PDE1A: variants seen among roughly 807,000 people sequenced by gnomAD.
PDE1A encodes the protein dual specificity calcium/calmodulin-dependent 3',5'-cyclic nucleotide phosphodiesterase 1A.
Under a neutral mutation model 61.7 loss-of-function variants are expected in PDE1A, and 35 were observed. The ratio of observed to expected loss-of-function variants is 0.57; its 90% confidence interval spans 0.43 to 0.75. The LOEUF is 0.75. Ranked by LOEUF, PDE1A falls within the 30% of genes least tolerant of loss-of-function variation. The pLI is 0.00. For synonymous variants in PDE1A, 232 were observed against 213.2 expected (o/e 1.09, Z -0.77); for missense variants, 597 against 630.6 (o/e 0.95, Z 0.57).
chr2:182,459,086 T>C (rs1157610374), intron 2 of PDE1A, among the ~76,000 whole-genome samples: 1 of 151,986 alleles, frequency 6.6e-6, no homozygotes, highest in East Asian at 2.0e-4. Context: ...ATACATTTGG[T>C]TTATCACAAT....
intron 2 of PDE1A, among the ~76,000 whole-genome samples, chr2:182,500,816 TTCTA>T (rs1427530317): frequency 6.6e-6 from 1 of 152,160 alleles, no homozygotes; most frequent in Admixed American, 6.5e-5. Context: ...ACCCAGCAAA[TTCTA>T]TATATAATGA....
chr2:182,557,671 C>G, the PDE1A span, among the ~76,000 whole-genome samples: 1 of 152,014 alleles, frequency 6.6e-6, no homozygotes. Context: ...AAAATCGTGC[C>G]ACTGCACTCT....
chr2:182,510,709 C>T (rs1689725537), intron 2 of PDE1A, among the ~76,000 whole-genome samples: 1 of 152,054 alleles, frequency 6.6e-6, no homozygotes, highest in African/African-American at 2.4e-5. Flanking sequence ...ATTATAGAGA[C>T]CTAAAATCCA....
chr2:182,420,311 A>G (rs1574614883), intron 1 of PDE1A, among the ~76,000 whole-genome samples: 1 of 152,188 alleles, frequency 6.6e-6, no homozygotes, highest in East Asian at 1.9e-4. Flanking sequence ...AGATCATCAC[A>G]TATCCCTATT....
At chr2:182,684,453 G>T in the PDE1A span, among the ~76,000 whole-genome samples, 14 of 152,182 alleles carry the variant, frequency 9.2e-5, no homozygotes, top group African/African-American at 3.4e-4. Flanking sequence ...CTTTGAAGTA[G>T]AGACTACAAA....
chr2:182,638,784 G>C, the PDE1A span, among the ~76,000 whole-genome samples: 1 of 152,322 alleles, frequency 6.6e-6, no homozygotes, highest in Admixed American at 6.5e-5. Context: ...TAGCGCTTCT[G>C]GTAGGCTAGG....
intron 1 of PDE1A, among the ~76,000 whole-genome samples, chr2:182,276,912 C>T (rs188175228): frequency 2.6e-5 from 4 of 151,926 alleles, no homozygotes; most frequent in African/African-American, 9.7e-5. Flanking sequence ...CTGCAGTACC[C>T]TCGGGCTTAT....
At chr2:182,245,042 C>G (rs759086028) in intron 2 of PDE1A, among the ~76,000 whole-genome samples, 8 of 152,158 alleles carry the variant, frequency 5.3e-5, no homozygotes, top group Non-Finnish European at 1.2e-4. Flanking sequence ...ATGGGGGAAG[C>G]CTCCAAAGCC....
At chr2:182,572,523 C>T in the PDE1A span, among the ~76,000 whole-genome samples, 1 of 152,076 alleles carries the variant, frequency 6.6e-6, no homozygotes, top group African/African-American at 2.4e-5. Flanking sequence ...CCTGGACTTG[C>T]TAGGAAATTT....
intron 10 of PDE1A, among the ~76,000 whole-genome samples, chr2:182,195,822 C>CT (rs1049906997): frequency 2.6e-5 from 4 of 152,124 alleles, no homozygotes; most frequent in Admixed American, 6.5e-5. Context: ...TTACAGATGG[C>CT]TATGTGAGGA....
the PDE1A span, among the ~76,000 whole-genome samples, chr2:182,595,564 C>T: frequency 3.9e-5 from 6 of 152,178 alleles, no homozygotes; most frequent in Non-Finnish European, 8.8e-5. Flanking sequence ...CCTACTCAAT[C>T]GTTTTCAACT....
At chr2:182,627,316 T>C in the PDE1A span, among the ~76,000 whole-genome samples, 4 of 60,298 alleles carry the variant, frequency 6.6e-5, no homozygotes, top group African/African-American at 2.0e-4. Context: ...ATAAAATATA[T>C]ATATTATATA....
chr2:182,141,879 C>T (rs1009837723), exon 15 of PDE1A: 1 of 152,142 alleles, frequency 6.6e-6, no homozygotes, highest in Non-Finnish European at 1.5e-5. Flanking sequence ...CATTGCAATG[C>T]TTGTACAGTG....
intron 2 of PDE1A, among the ~76,000 whole-genome samples, chr2:182,475,164 C>T (rs546967055): frequency 4.6e-5 from 7 of 152,036 alleles, no homozygotes; most frequent in Admixed American, 3.9e-4. Flanking sequence ...GAGCCTTCCA[C>T]TACTTCAACA....
chr2:182,642,274 A>T, the PDE1A span, among the ~76,000 whole-genome samples: 25 of 152,248 alleles, frequency 1.6e-4, no homozygotes, highest in Admixed American at 1.5e-3. Context: ...AGAAAAATGT[A>T]AGTGAGAAGA....
chr2:182,550,135 C>A, the PDE1A span, among the ~76,000 whole-genome samples: 1 of 152,124 alleles, frequency 6.6e-6, no homozygotes, highest in Non-Finnish European at 1.5e-5. Flanking sequence ...CCAGGTTCTA[C>A]CTCTGTTTAG....
In PDE1A at chr2:182,150,695, CTCAAT is replaced by C. The variant is rs1690732072; in HGVS notation, c.1517-3548_1517-3544del. 7.2e-5 allele frequency among the ~76,000 whole-genome samples: 11 copies of C among 152,258 alleles called. No individual in the cohort carries two copies. The South Asian group carries it at 2.3e-3, about 32-fold the overall frequency. On this transcript the variant is annotated intron_variant, in intron 13 of 13. Coordinates refer to the PDE1A transcript ENST00000409365. ...TATGGGTTTGGTTTGTAAATAGAGT[CTCAAT>C]TCTTCAAGGAGCAGGGAGGGGATAG...
intron 6 of PDE1A, among the ~76,000 whole-genome samples, chr2:182,224,530 AAAAG>A (rs1160626552): frequency 2.6e-5 from 4 of 151,890 alleles, no homozygotes; most frequent in Non-Finnish European, 5.9e-5. Context: ...CAATAATGTT[AAAAG>A]AAAGAATAAA....
At chr2:182,352,797 C>A (rs1698963486) in intron 1 of PDE1A, among the ~76,000 whole-genome samples, 1 of 151,706 alleles carries the variant, frequency 6.6e-6, no homozygotes, top group Admixed American at 6.6e-5. Context: ...AAACAAAACA[C>A]AACTGTTGCA....
Sources: gnomAD v4.1 joint callset for allele counts (sites outside exome capture counted in the v4.1 genomes callset) on GRCh38, gnomAD v4.1.1 for gene constraint, MANE v1.5 for transcripts, NCBI Gene and HGNC (gene_info 2026-07-23, HGNC 2026-07-21) for gene names.